The following ADARB2 variants were observed in gnomAD, a reference collection of about 807,000 sequenced individuals.
ADARB2 encodes adenosine deaminase RNA specific B2 (inactive), also known as inactive double-stranded RNA-specific editase B2.
A neutral mutation model predicts 62.2 loss-of-function variants in ADARB2; 25 were observed. The ratio of observed to expected loss-of-function variants is 0.40; its 90% confidence interval spans 0.29 to 0.56. The LOEUF is 0.56. Ranked by LOEUF, ADARB2 falls within the 20% of genes least tolerant of loss-of-function variation. ADARB2 has a pLI of 0.43. For synonymous variants in ADARB2, 572 were observed against 500.8 expected (o/e 1.14, Z -1.90); for missense variants, 1,071 against 1,077.4 (o/e 0.99, Z 0.08).
At chr10:1,284,548 A>G (rs996423073) in intron 3 of ADARB2, among the ~76,000 whole-genome samples, 4 of 152,190 alleles carry the variant, frequency 2.6e-5, no homozygotes, top group Non-Finnish European at 4.4e-5. Context: ...AACTGTTAAC[A>G]CATTATTTAA....
chr10:1,553,454 A>T (rs1049491248), intron 1 of ADARB2, among the ~76,000 whole-genome samples: 4 of 152,200 alleles, frequency 2.6e-5, no homozygotes, highest in African/African-American at 9.7e-5. Context: ...GCCTGCTCCC[A>T]GGAAGAGGCT....
At chr10:1,387,420 G>A (rs148993005) in intron 1 of ADARB2, among the ~76,000 whole-genome samples, 195 of 152,020 alleles carry the variant, frequency 1.3e-3, no homozygotes, top group African/African-American at 4.5e-3. Flanking sequence ...AATAAATGAG[G>A]GGATCTTACT....
chr10:1,228,157 C>T (rs150205532), intron 6 of ADARB2, among the ~76,000 whole-genome samples: 1 of 152,282 alleles, frequency 6.6e-6, no homozygotes, highest in Non-Finnish European at 1.5e-5. Context: ...TTAGAACAAA[C>T]GTACTAGGCT....
Position 1,465,499 on chromosome 10 carries a change from G to C in ADARB2, c.101-86339C>G, listed in dbSNP as rs533730301. On this transcript the variant is annotated intron_variant, in intron 1 of 9. Coordinates refer to ENST00000381312, the MANE Select transcript of ADARB2 (RefSeq NM_018702.4). ...GGTCGGGGACGTCACTGTGTCCTTG[G>C]GGACCGTGACGACCGCAGTGCCGAC... 2.6e-5 allele frequency among the ~76,000 whole-genome samples: 4 copies of C among 152,326 alleles called. No individual in the cohort carries two copies. The South Asian group carries it at 8.3e-4, about 32-fold the overall frequency.
intron 1 of ADARB2, among the ~76,000 whole-genome samples, chr10:1,574,867 G>T (rs979124601): frequency 2.6e-5 from 4 of 152,186 alleles, no homozygotes; most frequent in African/African-American, 7.2e-5. Flanking sequence ...GGCAGGAGGG[G>T]CTATGTTGGC....
At chr10:1,556,227 C>G (rs1234221667) in intron 1 of ADARB2, among the ~76,000 whole-genome samples, 1 of 151,316 alleles carries the variant, frequency 6.6e-6, no homozygotes, top group Non-Finnish European at 1.5e-5. Flanking sequence ...ACCAAGAGCA[C>G]CTTCAAAGAA....
At chr10:1,310,795 G>C (rs1831683316) in intron 3 of ADARB2, among the ~76,000 whole-genome samples, 2 of 152,240 alleles carry the variant, frequency 1.3e-5, no homozygotes, top group Admixed American at 6.5e-5. Flanking sequence ...CCCCAAGGAA[G>C]AGGCAGGGAA....
intron 1 of ADARB2, among the ~76,000 whole-genome samples, chr10:1,635,509 G>A (rs573186455): frequency 6.6e-6 from 1 of 152,250 alleles, no homozygotes; most frequent in African/African-American, 2.4e-5. Context: ...CTTGAGATGT[G>A]GCTCTGCCTA....
intron 7 of ADARB2, among the ~76,000 whole-genome samples, chr10:1,205,780 C>T (rs987178929): frequency 2.6e-5 from 4 of 152,232 alleles, no homozygotes; most frequent in Non-Finnish European, 5.9e-5. Context: ...GCGTGTTCTG[C>T]GTGGTGGCCG....
In ADARB2 at chr10:1,622,401, T is replaced by A. The variant is rs142077598; in HGVS notation, c.100+114650A>T. ...AACACATCTTTAATGAAAAAATAAA[T>A]CTTATACAGGTTGAAAATATTTGCA... On this transcript the variant is annotated intron_variant, in intron 1 of 9. Transcript: ENST00000381312. Among the ~76,000 whole-genome samples the A allele has an allele frequency of 9.2e-3, 1,395 of 152,186 alleles. 21 individuals carry two copies. Among genetic ancestry groups the A allele is most frequent in the Non-Finnish European group, 0.012 (826 of 67,990 alleles).
intron 1 of ADARB2, among the ~76,000 whole-genome samples, chr10:1,403,192 C>A (rs1832679916): frequency 6.6e-6 from 1 of 152,214 alleles, no homozygotes; most frequent in Non-Finnish European, 1.5e-5. Flanking sequence ...GAGCCAGCCG[C>A]TGCTCAACTT....
Position 1,179,890 on chromosome 10 carries a change from C to T in ADARB2, c.*3303G>A, listed in dbSNP as rs1836644480. On this transcript the variant is annotated 3_prime_UTR_variant, in exon 10 of 10. Transcript: ENST00000381312. ...CTTCATCAGCCCCCCTTGTGTCGTGCCCAGCGTATTTTCAGGGTGACAGAA... is the reference window on the plus strand; with the variant it reads ...CTTCATCAGCCCCCCTTGTGTCGTGTCCAGCGTATTTTCAGGGTGACAGAA... The T allele has an allele frequency of 6.6e-6, 1 of 151,998 alleles. No individual in the cohort carries two copies. The highest frequency in any genetic ancestry group is 6.6e-5 in the Admixed American group (1 of 15,264). The allele number at this position is 151,998 out of a possible 1,614,324, so 9.4% of individuals were successfully genotyped here. A position where few individuals can be genotyped will look rare whatever the true frequency, so the allele number is the denominator to read the frequency against.
At chr10:1,312,464 A>C (rs536642989) in intron 3 of ADARB2, among the ~76,000 whole-genome samples, 2 of 152,306 alleles carry the variant, frequency 1.3e-5, no homozygotes, top group East Asian at 3.9e-4. Context: ...TTCAACACTG[A>C]ACAGATTTCA....
At chr10:1,673,173 G>A (rs1470668071) in intron 1 of ADARB2, among the ~76,000 whole-genome samples, 1 of 152,096 alleles carries the variant, frequency 6.6e-6, no homozygotes, top group African/African-American at 2.4e-5. Flanking sequence ...TTCTGGCATT[G>A]GGAAGACTTC....
At chr10:1,362,897 C>T (rs1049206863) in intron 3 of ADARB2, 131 bp downstream of exon 3, 5 of 923,976 alleles carry the variant, frequency 5.4e-6, no homozygotes, top group Admixed American at 4.3e-5. Flanking sequence ...GGGAGACATT[C>T]TTTCCCCTCC....
intron 1 of ADARB2, among the ~76,000 whole-genome samples, chr10:1,684,231 G>T (rs975603789): frequency 4.6e-5 from 7 of 152,166 alleles, no homozygotes; most frequent in African/African-American, 1.7e-4. Flanking sequence ...TCTTAGAGAA[G>T]TTTTCTGAGA....
chr10:1,230,496 A>G (rs118041324), intron 6 of ADARB2, among the ~76,000 whole-genome samples: 1,883 of 152,326 alleles, frequency 0.012, 26 homozygotes, highest in Middle Eastern at 0.034. Context: ...TTTAAAGGGT[A>G]ACAAAGACAT....
intron 1 of ADARB2, among the ~76,000 whole-genome samples, chr10:1,583,800 A>G (rs928707215): frequency 6.6e-6 from 1 of 152,238 alleles, no homozygotes; most frequent in African/African-American, 2.4e-5. Flanking sequence ...AGAAGCACCA[A>G]CTGGTGAAAG....
intron 1 of ADARB2, among the ~76,000 whole-genome samples, chr10:1,582,236 T>C (rs1833113732): frequency 6.6e-6 from 1 of 152,096 alleles, no homozygotes; most frequent in Admixed American, 6.5e-5. Context: ...GCCCAGCTAC[T>C]TCGGCAGCAG....
Sources: allele counts gnomAD v4.1 joint callset (sites outside exome capture counted in the v4.1 genomes callset), GRCh38; gene constraint gnomAD v4.1.1; transcripts MANE v1.5; gene names NCBI Gene and HGNC (gene_info 2026-07-23, HGNC 2026-07-21).